Variants in CDH2 observed in about 807,000 individuals in gnomAD.
CDH2 encodes cadherin-2.
Under a neutral mutation model 92.0 loss-of-function variants are expected in CDH2, and 17 were observed. The ratio of observed to expected loss-of-function variants is 0.18; its 90% CI spans 0.13 to 0.28. The LOEUF (loss-of-function observed/expected upper bound fraction) is 0.28, where lower values mean the gene tolerates loss of function less well. Among genes scored for constraint, CDH2 ranks in the 10% least tolerant of loss-of-function variants. The pLI is 1.00. For missense variants in CDH2, 862 were observed against 1,133.1 expected (o/e 0.76, Z 3.44); for synonymous variants, 419 against 415.9 (o/e 1.01, Z -0.09).
At position 27,983,829 on chromosome 18, in the gene CDH2, C is replaced by A. The variant is rs79948789; in HGVS notation, c.2210-746G>T. On this transcript the variant is annotated intron_variant, in intron 13 of 15. Transcript: ENST00000269141. ...ATCATGCCTAAGTCTTTCTTGATAACATTGGCATCTATGCCACATTTCAGT... is the reference window on the plus strand; with the variant it reads ...ATCATGCCTAAGTCTTTCTTGATAAAATTGGCATCTATGCCACATTTCAGT... 4.6e-3 allele frequency among the ~76,000 whole-genome samples: 700 copies of A among 152,320 alleles called. 9 individuals are homozygous for A. The highest frequency in any genetic ancestry group is 0.016 in the African/African-American group (679 of 41,570).
intron 4 of CDH2, among the ~76,000 whole-genome samples, 173 bp downstream of exon 4, chr18:28,011,673 A>G (rs1364352287): frequency 6.6e-6 from 1 of 152,208 alleles, no homozygotes; most frequent in Non-Finnish European, 1.5e-5. Context: ...CCAAAAGGTA[A>G]CAAAGAAAAT....
At chr18:27,964,584 T>C (rs559136665) in intron 14 of CDH2, among the ~76,000 whole-genome samples, 1 of 152,324 alleles carries the variant, frequency 6.6e-6, no homozygotes, top group African/African-American at 2.4e-5. Context: ...TTTAAAACCT[T>C]TTGCAGTTAT....
intron 2 of CDH2, among the ~76,000 whole-genome samples, chr18:28,057,729 A>G (rs2014322086): frequency 6.6e-6 from 1 of 152,178 alleles, no homozygotes; most frequent in Admixed American, 6.6e-5. Flanking sequence ...TACCTATGAT[A>G]ACTTATTTAT....
At chr18:27,947,317 T>TA (rs1323506348), downstream of CDH2, among the ~76,000 whole-genome samples, 1 of 151,802 alleles carries the variant, frequency 6.6e-6, no homozygotes, top group Non-Finnish European at 1.5e-5. Context: ...TATTAGAGTG[T>TA]AATAAAATGA....
intron 15 of CDH2, among the ~76,000 whole-genome samples, chr18:27,956,235 G>A (rs1598985874): frequency 6.6e-6 from 1 of 152,156 alleles, no homozygotes; most frequent in African/African-American, 2.4e-5. Flanking sequence ...GTTTCTCTAG[G>A]TTTGACTAAA....
At chr18:27,968,710 T>C (rs17445676) in intron 14 of CDH2, among the ~76,000 whole-genome samples, 23,610 of 152,192 alleles carry the variant, frequency 0.16, 2,221 homozygotes, top group East Asian at 0.4. Flanking sequence ...TTTCCTTTTA[T>C]AGCTGCAAAG....
chr18:28,115,399 G>T (rs1480868054), intron 2 of CDH2, among the ~76,000 whole-genome samples: 1 of 152,164 alleles, frequency 6.6e-6, no homozygotes, highest in Non-Finnish European at 1.5e-5. Context: ...TCACTGTGCT[G>T]TCCTGGTGCT....
chr18:28,173,000 T>C (rs2016487161), intron 1 of CDH2, among the ~76,000 whole-genome samples: 1 of 152,098 alleles, frequency 6.6e-6, no homozygotes, highest in Non-Finnish European at 1.5e-5. Context: ...CACAACAGAT[T>C]TAAGAATTGA....
chr18:28,170,641 G>A (rs2016451068), intron 1 of CDH2, among the ~76,000 whole-genome samples: 1 of 152,114 alleles, frequency 6.6e-6, no homozygotes, highest in South Asian at 2.1e-4. Flanking sequence ...CACCATGCCT[G>A]GCCCTCTGTA....
intron 2 of CDH2, among the ~76,000 whole-genome samples, chr18:28,054,352 C>G (rs1469932225): frequency 6.6e-6 from 1 of 152,124 alleles, no homozygotes; most frequent in Admixed American, 6.5e-5. Context: ...ACTTGTAGGG[C>G]TCCTTAGGAA....
intron 2 of CDH2, among the ~76,000 whole-genome samples, chr18:28,069,215 A>G (rs1396099672): frequency 1.3e-5 from 2 of 152,220 alleles, no homozygotes; most frequent in Admixed American, 1.3e-4. Flanking sequence ...AGTTTTGGAA[A>G]TGTGATCACA....
intron 6 of CDH2, among the ~76,000 whole-genome samples, chr18:27,942,088 GATTTTTT>G (rs965809058): frequency 2.6e-5 from 4 of 152,152 alleles, no homozygotes; most frequent in African/African-American, 4.8e-5. Context: ...AGAAAACTTA[GATTTTTT>G]ATTTTTTATG....
chr18:27,952,879 GC>G (rs1219465070), intron 15 of CDH2, among the ~76,000 whole-genome samples: 1 of 152,144 alleles, frequency 6.6e-6, no homozygotes, highest in Admixed American at 6.6e-5. Context: ...CAAAGCAAAA[GC>G]CATCAGGTTG....
At chr18:27,986,392 T>G (rs1242831874) in intron 11 of CDH2, among the ~76,000 whole-genome samples, 1 of 152,158 alleles carries the variant, frequency 6.6e-6, no homozygotes, top group Non-Finnish European at 1.5e-5. Context: ...CAGATGAACC[T>G]GAGTCTGTAA....
chr18:27,998,179 C>T (rs549974713), intron 7 of CDH2, among the ~76,000 whole-genome samples: 1 of 152,290 alleles, frequency 6.6e-6, no homozygotes, highest in African/African-American at 2.4e-5. Flanking sequence ...TACCATCTAC[C>T]TTATAAATGT....
intron 2 of CDH2, among the ~76,000 whole-genome samples, chr18:28,114,890 CA>C (rs549364446): frequency 5.3e-4 from 75 of 142,742 alleles, no homozygotes; most frequent in East Asian, 3.0e-3. Flanking sequence ...CTACAGAATG[CA>C]AAAAAAAAAA....
At chr18:27,971,908 A>C (rs972058585) in intron 14 of CDH2, among the ~76,000 whole-genome samples, 1 of 152,220 alleles carries the variant, frequency 6.6e-6, no homozygotes, top group South Asian at 2.1e-4. Flanking sequence ...CAAGCAATCA[A>C]ATATACCATA....
chr18:27,981,066 C>A (rs1202580779), intron 14 of CDH2, among the ~76,000 whole-genome samples: 1 of 152,092 alleles, frequency 6.6e-6, no homozygotes, highest in Non-Finnish European at 1.5e-5. Context: ...TTAAATACCC[C>A]ACGGTCCAGT....
Position 28,085,142 on chromosome 18 carries a change from C to T in CDH2, c.172+62531G>A, listed in dbSNP as rs141872289. ...ACTTCCTCTAGAGAGACAGATTATC[C>T]TCAGTCCTTTCCTTTTTTCAATTTT... On this transcript the variant is annotated intron_variant, in intron 2 of 15. Coordinates refer to ENST00000269141, the MANE Select transcript of CDH2 (RefSeq NM_001792.5). Among the ~76,000 whole-genome samples the T allele has an allele frequency of 2.7e-3, 417 of 152,196 alleles. 1 individual carries two copies. The highest frequency in any genetic ancestry group is 4.6e-3 in the Non-Finnish European group (311 of 68,000).
Sources: gnomAD v4.1 joint callset for allele counts (sites outside exome capture counted in the v4.1 genomes callset) on GRCh38, gnomAD v4.1.1 for gene constraint, MANE v1.5 for transcripts, NCBI Gene and HGNC (gene_info 2026-07-23, HGNC 2026-07-21) for gene names.